The following ADAMTSL1 variants were observed in gnomAD, a reference collection of about 807,000 sequenced individuals.
ADAMTSL1 encodes the protein ADAMTS like 1, also known as ADAMTS-like protein 1.
Under a neutral mutation model 201.8 loss-of-function variants are expected in ADAMTSL1, and 126 were observed. The ratio of observed to expected loss-of-function variants is 0.62; its 90% CI spans 0.54 to 0.72. The LOEUF (loss-of-function observed/expected upper bound fraction) is 0.72, where lower values mean the gene tolerates loss of function less well. Among genes scored for constraint, ADAMTSL1 ranks in the 30% least tolerant of loss-of-function variants. The pLI is 0.00. For missense variants in ADAMTSL1, 2,679 were observed against 2,277.8 expected (o/e 1.18, Z -3.59); for synonymous variants, 1,121 against 903.4 (o/e 1.24, Z -4.32).
intron 1 of ADAMTSL1, among the ~76,000 whole-genome samples, chr9:17,961,644 C>T (rs1620986): frequency 3.3e-5 from 5 of 152,094 alleles, no homozygotes; most frequent in African/African-American, 1.2e-4. Context: ...TGATTATATT[C>T]AGTTTGCTGA....
intron 10 of ADAMTSL1, among the ~76,000 whole-genome samples, chr9:18,676,813 A>C (rs1356050020): frequency 6.6e-6 from 1 of 152,120 alleles, no homozygotes; most frequent in African/African-American, 2.4e-5. Flanking sequence ...CAAGCCCAGA[A>C]AATAATTTTA....
intron 12 of ADAMTSL1, among the ~76,000 whole-genome samples, chr9:18,684,428 G>A (rs978652715): frequency 6.6e-6 from 1 of 152,106 alleles, no homozygotes; most frequent in Non-Finnish European, 1.5e-5. Context: ...TTCTTTATAT[G>A]CATATTGAGC....
chr9:18,356,074 C>A (rs1377592345), intron 2 of ADAMTSL1, among the ~76,000 whole-genome samples: 1 of 152,198 alleles, frequency 6.6e-6, no homozygotes, highest in Non-Finnish European at 1.5e-5. Context: ...GATGCACTGA[C>A]AATCTAAGAG....
intron 2 of ADAMTSL1, among the ~76,000 whole-genome samples, chr9:18,399,024 C>T (rs1817858418): frequency 1.3e-5 from 2 of 151,536 alleles, no homozygotes; most frequent in Admixed American, 1.3e-4. Flanking sequence ...GTTCAACAAA[C>T]ACATACCACA....
intron 14 of ADAMTSL1, among the ~76,000 whole-genome samples, chr9:18,720,879 C>T (rs1233758719): frequency 6.6e-6 from 1 of 152,230 alleles, no homozygotes; most frequent in Non-Finnish European, 1.5e-5. Context: ...TGCTCAAACT[C>T]CTGTTTCACT....
chr9:18,792,884 G>A (rs571700407), intron 19 of ADAMTSL1, among the ~76,000 whole-genome samples: 36 of 152,192 alleles, frequency 2.4e-4, no homozygotes, highest in Admixed American at 9.2e-4. Context: ...TAGCTTCTTC[G>A]AAATAAACTA....
At chr9:18,470,441 A>G (rs1037320149), upstream of ADAMTSL1, among the ~76,000 whole-genome samples, 1 of 152,214 alleles carries the variant, frequency 6.6e-6, no homozygotes, top group African/African-American at 2.4e-5. Flanking sequence ...AGAATTAACC[A>G]GGGAAATCGA....
At chr9:18,254,173 C>G (rs1047425250) in intron 2 of ADAMTSL1, among the ~76,000 whole-genome samples, 3 of 151,998 alleles carry the variant, frequency 2.0e-5, no homozygotes, top group Non-Finnish European at 2.9e-5. Flanking sequence ...GAGAGCTAAT[C>G]ACGTCCACCT....
At chr9:18,010,646 A>T (rs1820012195) in intron 1 of ADAMTSL1, among the ~76,000 whole-genome samples, 1 of 151,960 alleles carries the variant, frequency 6.6e-6, no homozygotes, top group South Asian at 2.1e-4. Context: ...GTGCTTGCTC[A>T]GCCCAGACAA....
At chr9:18,366,211 A>G (rs888678290) in intron 2 of ADAMTSL1, among the ~76,000 whole-genome samples, 3 of 151,954 alleles carry the variant, frequency 2.0e-5, no homozygotes. Context: ...GTTTATGCAC[A>G]TAAACCCATA....
At chr9:18,890,610 T>C (rs1554658933) in intron 25 of ADAMTSL1, 1 of 455,956 alleles carries the variant, frequency 2.2e-6, no homozygotes, top group East Asian at 6.9e-5. Flanking sequence ...TGAAACATGC[T>C]CATTAATATC....
At chr9:18,841,022 C>A (rs1323167127) in intron 23 of ADAMTSL1, among the ~76,000 whole-genome samples, 2 of 145,334 alleles carry the variant, frequency 1.4e-5, no homozygotes, top group Non-Finnish European at 3.0e-5. Context: ...ATTGAATACC[C>A]TTTATTTCCT....
chr9:17,921,923 C>T (rs939873645), intron 1 of ADAMTSL1, among the ~76,000 whole-genome samples: 25 of 152,058 alleles, frequency 1.6e-4, no homozygotes, highest in African/African-American at 5.6e-4. Flanking sequence ...AACCTATTTG[C>T]TTAGAGATAC....
At chr9:18,202,942 C>G (rs566696250) in intron 2 of ADAMTSL1, among the ~76,000 whole-genome samples, 29 of 152,144 alleles carry the variant, frequency 1.9e-4, no homozygotes, top group African/African-American at 6.3e-4. Flanking sequence ...TAGCTGTAAC[C>G]AGGGATGCTA....
At chr9:18,068,763 G>A (rs1822823524) in intron 1 of ADAMTSL1, among the ~76,000 whole-genome samples, 2 of 152,198 alleles carry the variant, frequency 1.3e-5, no homozygotes. Flanking sequence ...GCAGTGCTAA[G>A]TTCTAAGGTT....
intron 1 of ADAMTSL1, among the ~76,000 whole-genome samples, chr9:17,919,817 A>T (rs917212828): frequency 8.5e-5 from 13 of 152,048 alleles, no homozygotes; most frequent in Non-Finnish European, 7.4e-5. Flanking sequence ...AAATGTTTTT[A>T]TTTCTCTTGG....
intron 2 of ADAMTSL1, among the ~76,000 whole-genome samples, chr9:18,306,957 AC>A (rs1833932498): frequency 1.3e-5 from 2 of 152,212 alleles, no homozygotes; most frequent in Non-Finnish European, 2.9e-5. Flanking sequence ...AGGTTGGGTT[AC>A]CCACAAAGGG....
At chr9:17,957,462 A>T (rs144736501) in intron 1 of ADAMTSL1, among the ~76,000 whole-genome samples, 20 of 152,240 alleles carry the variant, frequency 1.3e-4, no homozygotes, top group Non-Finnish European at 1.8e-4. Context: ...TGGGCTTCTG[A>T]TACCTCCACC....
chr9:18,710,898 C>T (rs1291317422), intron 14 of ADAMTSL1, among the ~76,000 whole-genome samples: 4 of 151,972 alleles, frequency 2.6e-5, no homozygotes, highest in Admixed American at 2.6e-4. Flanking sequence ...TGACCAATTC[C>T]ATATGATTAA....
Sources: allele counts gnomAD v4.1 joint callset (sites outside exome capture counted in the v4.1 genomes callset), GRCh38; gene constraint gnomAD v4.1.1; transcripts MANE v1.5; gene names NCBI Gene and HGNC (gene_info 2026-07-23, HGNC 2026-07-21).